The following NDST1 variants were observed in gnomAD, a reference collection of about 807,000 sequenced individuals.
NDST1 encodes the protein bifunctional heparan sulfate N-deacetylase/N-sulfotransferase 1.
In NDST1, 35 loss-of-function variants were observed where a neutral mutation model predicts 92.8. The observed-to-expected ratio is 0.38, with a 90% CI of 0.29 to 0.50. The LOEUF (loss-of-function observed/expected upper bound fraction) is 0.50. Among genes scored for constraint, NDST1 ranks in the 20% least tolerant of loss-of-function variants. NDST1 has a pLI of 0.94. For missense variants in NDST1, 822 were observed against 1,182.7 expected, an observed-to-expected ratio of 0.69 and a Z score of 4.47; for synonymous variants, 493 against 500.3, an observed-to-expected ratio of 0.99 and a Z score of 0.19.
chr5:150,525,033 T>C (rs558162061), intron 2 of NDST1, among the ~76,000 whole-genome samples: 1 of 152,242 alleles, frequency 6.6e-6, no homozygotes, highest in East Asian at 1.9e-4. Context: ...CCCCAGGTAA[T>C]GGTGAGGTCT....
upstream of NDST1, among the ~76,000 whole-genome samples, chr5:150,506,986 C>T (rs986695596): frequency 1.6e-4 from 24 of 152,340 alleles, no homozygotes; most frequent in East Asian, 3.9e-4. Context: ...TCACTGGCCA[C>T]GGGGCTTGGG....
upstream of NDST1, among the ~76,000 whole-genome samples, chr5:150,504,494 TTATC>T (rs1753363367): frequency 6.6e-6 from 1 of 152,178 alleles, no homozygotes; most frequent in African/African-American, 2.4e-5. Flanking sequence ...TTGTCCTCCA[TTATC>T]GTAATCTTGC....
chr5:150,531,976 C>G (rs1396663225), intron 3 of NDST1, among the ~76,000 whole-genome samples: 1 of 152,114 alleles, frequency 6.6e-6, no homozygotes, highest in African/African-American at 2.4e-5. Flanking sequence ...AAGGGTATGG[C>G]CCTTTAAAGT....
At position 150,554,377 on chromosome 5, in the gene NDST1, T is replaced by C. The variant is rs1755829010; in HGVS notation, c.*1045T>C. On this transcript the variant is annotated 3_prime_UTR_variant, in exon 15 of 15. Transcript: ENST00000261797. ...TATATATAATGTGTATATATATATATTCTATTTTTTTTGGTTGGGTTCGTT... is the reference window on the plus strand; with the variant it reads ...TATATATAATGTGTATATATATATACTCTATTTTTTTTGGTTGGGTTCGTT... 1 of 157,264 alleles carries C rather than the reference T, an allele frequency of 6.4e-6. No individual in the cohort carries two copies. The highest frequency in any genetic ancestry group is 1.3e-5 in the Non-Finnish European group (1 of 74,094). The allele number at this position is 157,264 out of a possible 1,614,324, so 9.7% of individuals were successfully genotyped here. A position where few individuals can be genotyped will look rare whatever the true frequency, so the allele number is the denominator to read the frequency against.
chr5:150,524,640 T>A lies in NDST1; in HGVS notation c.513+2873T>A, dbSNP rs796297524. Among the ~76,000 whole-genome samples, 155 of 152,272 alleles carry A rather than the reference T, an allele frequency of 1.0e-3. 1 individual carries two copies. Among genetic ancestry groups the A allele is most frequent in the African/African-American group, 3.6e-3 (149 of 41,556 alleles). ...TTTATTTTCAGATAAGGACCTGAGG[T>A]TCAAAAAGTTAAATGGCTTGTCCCG... is the stretch of plus-strand genomic sequence containing the variant. On this transcript the variant is annotated intron_variant, in intron 2 of 14. Transcript: ENST00000261797.
At chr5:150,547,682 G>A (rs1755549720) in intron 11 of NDST1, among the ~76,000 whole-genome samples, 1 of 152,184 alleles carries the variant, frequency 6.6e-6, no homozygotes, top group African/African-American at 2.4e-5. Context: ...GCTGGAGTTT[G>A]AGAACATTGT....
At chr5:150,509,246 T>G (rs1486254607) in intron 1 of NDST1, among the ~76,000 whole-genome samples, 5 of 152,162 alleles carry the variant, frequency 3.3e-5, no homozygotes, top group Non-Finnish European at 7.4e-5. Context: ...GGGCTAGTGG[T>G]GACCCACATT....
rs756608421 is a variant in NDST1, at chr5:150,535,750, G to A, written c.1302G>A (p.Ser434=). The A allele has an allele frequency of 1.2e-5, 19 of 1,614,092 alleles. 1 individual carries two copies. The highest frequency in any genetic ancestry group is 2.7e-5 in the African/African-American group (2 of 74,938). Residue 434 remains serine, a synonymous_variant, in exon 6 of 15, where the codon TCG becomes TCA. Transcript: ENST00000261797. ...GGTATGCAGTGGCGCCCCACCACTC[G>A]GGCGTGTACCCCGTGCACGTGCAGC... ...DMGYAVAPHH[S]GVYPVHVQLY...
In NDST1 at chr5:150,535,875, A is replaced by G. The variant is rs537879672; in HGVS notation, c.1427A>G (p.Asn476Ser). Residue 476 changes from asparagine to serine, a missense_variant, in exon 6 of 15, where the codon AAT becomes AGT. Physicochemically the swap from Asn to Ser is conservative, Grantham distance 46. Transcript: ENST00000261797. Reference sequence around the variant, plus strand: ...CGCTACCGCCGTGGCTTCATCCACAATGGCATCATGGTGAGTGGGCCCCTG... The same window carrying G: ...CGCTACCGCCGTGGCTTCATCCACAGTGGCATCATGGTGAGTGGGCCCCTG... ...PARYRRGFIH[N>S]GIMVLPRQTC... is the part of the protein sequence containing the mutation. The G allele has an allele frequency of 6.9e-5, 112 of 1,613,518 alleles. 1 individual carries two copies. In the South Asian group the frequency reaches 1.2e-3, roughly 17 times the overall value.
At chr5:150,551,372 G>T (rs895529920) in intron 13 of NDST1, among the ~76,000 whole-genome samples, 1 of 152,002 alleles carries the variant, frequency 6.6e-6, no homozygotes, top group Non-Finnish European at 1.5e-5. Flanking sequence ...GACGCTGGGA[G>T]GGGTAAAGAA....
intron 6 of NDST1, among the ~76,000 whole-genome samples, chr5:150,536,852 C>T (rs1755014565): frequency 6.6e-6 from 1 of 152,260 alleles, no homozygotes; most frequent in East Asian, 1.9e-4. Context: ...AGGCGTGAGC[C>T]ACTGTGCCCA....
intron 2 of NDST1, among the ~76,000 whole-genome samples, chr5:150,524,296 C>T (rs529731259): frequency 3.9e-5 from 6 of 152,340 alleles, no homozygotes; most frequent in South Asian, 2.1e-4. Flanking sequence ...TGGTAGCTAT[C>T]GTGCTTTGTC....
chr5:150,556,833 A>G lies in NDST1; in HGVS notation c.*3501A>G, dbSNP rs912987371. The G allele has an allele frequency of 6.6e-6, 1 of 152,642 alleles. No individual in the cohort carries two copies. Among genetic ancestry groups the G allele is most frequent in the Non-Finnish European group, 1.5e-5 (1 of 68,048 alleles). The allele number at this position is 152,642 out of a possible 1,614,324, so 9.5% of individuals were successfully genotyped here. On this transcript the variant is annotated 3_prime_UTR_variant, in exon 15 of 15. Coordinates refer to ENST00000261797, the MANE Select transcript of NDST1 (RefSeq NM_001543.5). ...AACTTATGTGTCTGGTTTTGGAATCAGCATCCAGTCACGGTGCACACATTG... is the reference window on the plus strand; with the variant it reads ...AACTTATGTGTCTGGTTTTGGAATCGGCATCCAGTCACGGTGCACACATTG...
intron 2 of NDST1, among the ~76,000 whole-genome samples, chr5:150,524,887 T>G (rs550367891): frequency 4.6e-5 from 7 of 152,334 alleles, no homozygotes; most frequent in Admixed American, 1.3e-4. Flanking sequence ...ATTTTCAGAT[T>G]AGAGATGCTC....
Position 150,545,596 on chromosome 5 carries a change from G to T in NDST1, c.2145+110G>T, listed in dbSNP as rs979536321. Reference sequence around the variant, plus strand: ...ATTAGTAAGCACCTACTGTGTGCCAGCCCTGAGCCAGGCGCCTGGAGCGTG... The same window carrying T: ...ATTAGTAAGCACCTACTGTGTGCCATCCCTGAGCCAGGCGCCTGGAGCGTG... On this transcript the variant is annotated intron_variant, in intron 11 of 14. Coordinates refer to ENST00000261797, the MANE Select transcript of NDST1 (RefSeq NM_001543.5). The T allele has an allele frequency of 1.2e-5, 17 of 1,393,040 alleles. No individual in the cohort carries two copies. The African/African-American group carries it at 2.4e-4, about 20-fold the overall frequency. The allele number at this position is 1,393,040 out of a possible 1,614,324, so 86.3% of individuals were successfully genotyped here. A position where few individuals can be genotyped will look rare whatever the true frequency, so the allele number is the denominator to read the frequency against.
intron 1 of NDST1, among the ~76,000 whole-genome samples, chr5:150,515,101 A>C (rs1379937027): frequency 6.6e-6 from 1 of 152,244 alleles, no homozygotes; most frequent in Non-Finnish European, 1.5e-5. Flanking sequence ...TGCACAGACC[A>C]CATGCTCAGG....
rs1003463187 is a variant in NDST1 at position 150,555,201 on chromosome 5, TTCC to T, written c.*1873_*1875del. The T allele has an allele frequency of 6.5e-6, 1 of 152,764 alleles. No individual in the cohort carries two copies. The highest frequency in any genetic ancestry group is 2.4e-5 in the African/African-American group (1 of 41,454). The allele number at this position is 152,764 out of a possible 1,614,324, so 9.5% of individuals were successfully genotyped here. ...CTACTCTGTGCCAGGTTCCTGTCCC[TTCC>T]TCCGTCACAGCATGGTCATTCCAGG... On this transcript the variant is annotated 3_prime_UTR_variant, in exon 15 of 15. Transcript: ENST00000261797.
chr5:150,547,775 C>A (rs1404690618), intron 11 of NDST1, among the ~76,000 whole-genome samples: 1 of 152,144 alleles, frequency 6.6e-6, no homozygotes, highest in Non-Finnish European at 1.5e-5. Context: ...AACCTCCACC[C>A]CCCGAGTTTA....
intron 1 of NDST1, among the ~76,000 whole-genome samples, chr5:150,499,426 T>C (rs4428396): frequency 0.12 from 18,884 of 152,210 alleles, 1,504 homozygotes; most frequent in East Asian, 0.28. Context: ...GTCCTTAAGC[T>C]ATGAACCACT....
Sources: allele counts gnomAD v4.1 joint callset (sites outside exome capture counted in the v4.1 genomes callset), GRCh38; gene constraint gnomAD v4.1.1; transcripts MANE v1.5; gene names NCBI Gene and HGNC (gene_info 2026-07-23, HGNC 2026-07-21).